SSTR4: variants seen among roughly 807,000 people sequenced by gnomAD.
The protein encoded by SSTR4 is somatostatin receptor 4.
For synonymous variants in SSTR4, 272 were observed against 246.3 expected, an observed-to-expected ratio of 1.10 and a Z score of -0.98; for missense variants, 649 against 540.6, an observed-to-expected ratio of 1.20 and a Z score of -1.99.
Position 23,038,176 on chromosome 20 carries a change from T to A in SSTR4, c.*1526T>A, listed in dbSNP as rs1033252913. Reference sequence around the variant, plus strand: ...CATGTCTGTGGGTCTCGTGTAACCATAACTACTTGGAGTTTTTTAAAACTG... The same window carrying A: ...CATGTCTGTGGGTCTCGTGTAACCAAAACTACTTGGAGTTTTTTAAAACTG... On this transcript the variant is annotated 3_prime_UTR_variant, in exon 1 of 1. Transcript: ENST00000255008. 1 of 152,226 alleles carries A rather than the reference T, an allele frequency of 6.6e-6. No homozygotes were observed. The highest frequency in any genetic ancestry group is 1.5e-5 in the Non-Finnish European group (1 of 68,048). The allele number at this position is 152,226 out of a possible 1,614,324, so 9.4% of individuals were successfully genotyped here.
rs752598552 is a variant in SSTR4, at chr20:23,035,439, G to T, written c.-45G>T. 4.1e-4 allele frequency: 556 copies of T among 1,341,526 alleles called. 2 individuals carry two copies. The highest frequency in any genetic ancestry group is 2.7e-4 in the Admixed American group (7 of 26,036). 83.1% of individuals were successfully genotyped at this position (1,341,526 alleles called of 1,614,324 possible). ...CGCCGCCCGAGCTCTCTGGCGCAGC[G>T]CTAGCTCCGCCGCGCTCAGCTGCCC... On this transcript the variant is annotated 5_prime_UTR_variant, in exon 1 of 1. Coordinates refer to ENST00000255008, the MANE Select transcript of SSTR4 (RefSeq NM_001052.4).
chr20:23,035,474 A>T lies in SSTR4; in HGVS notation c.-10A>T. ...CCGCGCTCAGCTGCCCTGCGCCGGC[A>T]CCCCTGGTCATGAGCGCCCCCTCGA... On this transcript the variant is annotated 5_prime_UTR_variant, in exon 1 of 1. Coordinates refer to ENST00000255008, the MANE Select transcript of SSTR4 (RefSeq NM_001052.4). The T allele has an allele frequency of 6.8e-7, 1 of 1,471,460 alleles. No homozygotes were observed. Among genetic ancestry groups the T allele is most frequent in the Non-Finnish European group, 8.9e-7 (1 of 1,121,262 alleles). 91.2% of individuals were successfully genotyped at this position (1,471,460 alleles called of 1,614,324 possible).
chr20:23,036,561 A>C lies in SSTR4; in HGVS notation c.1078A>C (p.Met360Leu), dbSNP rs1568662256. 1 of 1,610,614 alleles carries C rather than the reference A, an allele frequency of 6.2e-7. No individual in the cohort carries two copies. The highest frequency in any genetic ancestry group is 8.5e-7 in the Non-Finnish European group (1 of 1,178,594). The change falls in exon 1 of 1, where the codon ATG (methionine) becomes CTG (leucine). Residue 360 changes from methionine (M) to leucine (L), a missense_variant. By Grantham distance (15) the Met-to-Leu change is conservative. Transcript: ENST00000255008. Reference protein sequence around the residue: ...ALKSKGGAGCMCPPLPCQQEA... With the variant: ...ALKSKGGAGCLCPPLPCQQEA... Reference sequence around the variant, plus strand: ...CAAGAGCAAAGGTGGGGCAGGGTGCATGTGCCCCCCACTCCCCTGCCAGCA... The same window carrying C: ...CAAGAGCAAAGGTGGGGCAGGGTGCCTGTGCCCCCCACTCCCCTGCCAGCA...
Position 23,035,351 on chromosome 20 carries a change from C to T in SSTR4, c.-133C>T, listed in dbSNP as rs1428372218. 38 of 705,144 alleles carry T rather than the reference C, an allele frequency of 5.4e-5. No homozygotes were observed. Among genetic ancestry groups the T allele is most frequent in the Non-Finnish European group, 7.2e-5 (37 of 517,022 alleles). 43.7% of individuals were successfully genotyped at this position (705,144 alleles called of 1,614,324 possible). A position where few individuals can be genotyped will look rare whatever the true frequency, so the allele number is the denominator to read the frequency against. On this transcript the variant is annotated 5_prime_UTR_variant, in exon 1 of 1. Transcript: ENST00000255008. ...GGGATTGGCGGGCGCTCCCCGGTGC[C>T]CGCAGCTCTTCAGCGTAGCCGGGAA... is the stretch of plus-strand genomic sequence containing the variant.
In SSTR4 at chr20:23,036,248, G is replaced by T. The variant is rs776368668; in HGVS notation, c.765G>T (p.Lys255Asn). 3 of 1,614,056 alleles carry T rather than the reference G, an allele frequency of 1.9e-6. No individual in the cohort carries two copies. Among genetic ancestry groups the T allele is most frequent in the African/African-American group, 2.7e-5 (2 of 74,940 alleles). Residue 255 changes from lysine (K) to asparagine (N), a missense_variant, in exon 1 of 1, where the codon AAG becomes AAT. Physicochemically the swap from Lys to Asn is moderately conservative, Grantham distance 94 (BLOSUM62 0). Coordinates refer to ENST00000255008, the MANE Select transcript of SSTR4 (RefSeq NM_001052.4). The stretch of plus-strand genomic sequence containing the variant: ...GGCAGCAGCGCAGGCGCTCGGAGAA[G>T]AAAATCACCAGGCTGGTGCTGATGG... The part of the protein sequence containing the change: ...AGWQQRRRSE[K>N]KITRLVLMVV...
At position 23,037,923 on chromosome 20, in the gene SSTR4, G is replaced by A. The variant is rs574479200; in HGVS notation, c.*1273G>A. ...TGGGGAGGGGGAGAGACAGCCAAAGGTCAACACCCTATGCCCTTCAGAGTG... is the reference window on the plus strand; with the variant it reads ...TGGGGAGGGGGAGAGACAGCCAAAGATCAACACCCTATGCCCTTCAGAGTG... On this transcript the variant is annotated 3_prime_UTR_variant, in exon 1 of 1. Transcript: ENST00000255008. 6.6e-6 allele frequency among the ~76,000 whole-genome samples: 1 copy of A among 152,228 alleles called. No homozygotes were observed. Among genetic ancestry groups the A allele is most frequent in the Admixed American group, 6.5e-5 (1 of 15,294 alleles).
rs958376647 is a variant in SSTR4, at chr20:23,037,539, T to C, written c.*889T>C. On this transcript the variant is annotated 3_prime_UTR_variant, in exon 1 of 1. Transcript: ENST00000255008. ...CAGGTTTTGGATAGAGGAAGCAGCT[T>C]CATCACCACCCCCTATTTTAGAATG... is the stretch of plus-strand genomic sequence containing the variant. Among the ~76,000 whole-genome samples the C allele has an allele frequency of 1.3e-5, 2 of 152,096 alleles. No individual in the cohort carries two copies. The highest frequency in any genetic ancestry group is 2.9e-5 in the Non-Finnish European group (2 of 68,018).
In SSTR4 at chr20:23,036,776, A is replaced by C; in HGVS notation, c.*126A>C. On this transcript the variant is annotated 3_prime_UTR_variant, in exon 1 of 1. Transcript: ENST00000255008. ...CACCACCTGTTCCTTCCAGCAGCCC[A>C]TGTACCTGCCGGAGAGTGTCAGAAC... 2 of 1,099,538 alleles carry C rather than the reference A, an allele frequency of 1.8e-6. No homozygotes were observed. Among genetic ancestry groups the C allele is most frequent in the Non-Finnish European group, 1.3e-6 (1 of 774,380 alleles). 68.1% of individuals were successfully genotyped at this position (1,099,538 alleles called of 1,614,324 possible).
Position 23,037,538 on chromosome 20 carries a change from T to C in SSTR4, c.*888T>C, listed in dbSNP as rs533993453. ...CCAGGTTTTGGATAGAGGAAGCAGC[T>C]TCATCACCACCCCCTATTTTAGAAT... On this transcript the variant is annotated 3_prime_UTR_variant, in exon 1 of 1. Coordinates refer to ENST00000255008, the MANE Select transcript of SSTR4 (RefSeq NM_001052.4). Among the ~76,000 whole-genome samples the C allele has an allele frequency of 6.6e-6, 1 of 152,238 alleles. No homozygotes were observed. The highest frequency in any genetic ancestry group is 2.4e-5 in the African/African-American group (1 of 41,534).
In SSTR4 at chr20:23,035,819, GC is replaced by G. The variant is rs756869495; in HGVS notation, c.339del (p.Phe114SerfsTer149). On this transcript the variant is annotated frameshift_variant, in exon 1 of 1. Transcript: ENST00000255008. LOFTEE classifies it low-confidence loss of function (END_TRUNC). Reference sequence around the variant, plus strand: ...CCTCGTCGGCCGCCCTGCGCCACTGGCCCTTCGGCTCCGTGCTGTGCCGCGC... The same window carrying G: ...CCTCGTCGGCCGCCCTGCGCCACTGGCCTTCGGCTCCGTGCTGTGCCGCGC... ...VASSAALRHW[P>X]FGSVLCRAVL... 1.3e-6 allele frequency: 2 copies of G among 1,591,566 alleles called. No individual in the cohort carries two copies. Among genetic ancestry groups the G allele is most frequent in the African/African-American group, 2.7e-5 (2 of 74,206 alleles).
Position 23,036,885 on chromosome 20 carries a change from A to G in SSTR4, c.*235A>G. ...GTAGGACTCCTCTGGAAACTGGGCTAGGATATTAATCATTCCTGAACCTCT... is the reference window on the plus strand; with the variant it reads ...GTAGGACTCCTCTGGAAACTGGGCTGGGATATTAATCATTCCTGAACCTCT... On this transcript the variant is annotated 3_prime_UTR_variant, in exon 1 of 1. Coordinates refer to ENST00000255008, the MANE Select transcript of SSTR4 (RefSeq NM_001052.4). 1 of 488,816 alleles carries G rather than the reference A, an allele frequency of 2.0e-6. No homozygotes were observed. The highest frequency in any genetic ancestry group is 3.6e-6 in the Non-Finnish European group (1 of 279,838). The allele number at this position is 488,816 out of a possible 1,614,324, so 30.3% of individuals were successfully genotyped here.
Position 23,038,564 on chromosome 20 carries a change from T to C in SSTR4, c.*1914T>C, listed in dbSNP as rs1984388841. On this transcript the variant is annotated 3_prime_UTR_variant, in exon 1 of 1. Coordinates refer to ENST00000255008, the MANE Select transcript of SSTR4 (RefSeq NM_001052.4). ...TTGAAGGAGAGGCAGCTTCAGGTGA[T>C]GGAAAGAAAAGTCTCTGAGAGGCAG... Among the ~76,000 whole-genome samples the C allele has an allele frequency of 6.6e-6, 1 of 152,206 alleles. No individual in the cohort carries two copies. Among genetic ancestry groups the C allele is most frequent in the African/African-American group, 2.4e-5 (1 of 41,446 alleles).
rs1286646907 is a variant in SSTR4 at position 23,038,062 on chromosome 20, C to T, written c.*1412C>T. Among the ~76,000 whole-genome samples, 1 of 152,172 alleles carries T rather than the reference C, an allele frequency of 6.6e-6. No homozygotes were observed. The highest frequency in any genetic ancestry group is 1.5e-5 in the Non-Finnish European group (1 of 68,022). ...TAAGTCAGAGAACCCTCTGATCCTG[C>T]AAACACACATGCACACACACAGAGA... On this transcript the variant is annotated 3_prime_UTR_variant, in exon 1 of 1. Transcript: ENST00000255008.
In SSTR4 at chr20:23,036,175, A is replaced by G. The variant is rs1202436975; in HGVS notation, c.692A>G (p.Tyr231Cys). The G allele has an allele frequency of 6.2e-7, 1 of 1,610,982 alleles. No homozygotes were observed. The highest frequency in any genetic ancestry group is 8.5e-7 in the Non-Finnish European group (1 of 1,179,742). ...CCCGTGCTGGCCATTGGCCTGTGCT[A>G]CCTGCTCATCGTGGGCAAGATGCGC... is the stretch of plus-strand genomic sequence containing the variant. ...LLPVLAIGLC[Y>C]LLIVGKMRAV... The change falls in exon 1 of 1, where the codon TAC becomes TGC. Residue 231 changes from tyrosine to cysteine, a missense_variant. Physicochemically the swap from Tyr to Cys is radical, Grantham distance 194. Transcript: ENST00000255008.
In SSTR4 at chr20:23,037,245, C is replaced by T. The variant is rs1259577638; in HGVS notation, c.*595C>T. 6.5e-6 allele frequency: 1 copy of T among 152,680 alleles called. No homozygotes were observed. Among genetic ancestry groups the T allele is most frequent in the Admixed American group, 6.5e-5 (1 of 15,292 alleles). 9.5% of individuals were successfully genotyped at this position (152,680 alleles called of 1,614,324 possible). A position where few individuals can be genotyped will look rare whatever the true frequency, so the allele number is the denominator to read the frequency against. ...TGTCACAGGTGTCTCCCTGAGTTGCCCTGAGCTGGGAGCAGTCTTCCTGTG... is the reference window on the plus strand; with the variant it reads ...TGTCACAGGTGTCTCCCTGAGTTGCTCTGAGCTGGGAGCAGTCTTCCTGTG... On this transcript the variant is annotated 3_prime_UTR_variant, in exon 1 of 1. Coordinates refer to ENST00000255008, the MANE Select transcript of SSTR4 (RefSeq NM_001052.4).
rs1285725616 is a variant in SSTR4 at position 23,035,882 on chromosome 20, C to A, written c.399C>A (p.Ser133Arg). The A allele has an allele frequency of 1.2e-6, 2 of 1,612,588 alleles. No individual in the cohort carries two copies. The highest frequency in any genetic ancestry group is 8.5e-7 in the Non-Finnish European group (1 of 1,179,330). The change falls in exon 1 of 1, where the codon AGC (serine) becomes AGA (arginine). Residue 133 changes from serine to arginine, a missense_variant. By Grantham distance (110) the Ser-to-Arg change is moderately radical (BLOSUM62 -1). Transcript: ENST00000255008. ...LSVDGLNMFT[S>R]VFCLTVLSVD... ...TCGACGGCCTCAACATGTTCACCAG[C>A]GTCTTCTGTCTCACCGTGCTCAGCG...
At position 23,036,499 on chromosome 20, in the gene SSTR4, C is replaced by T. The variant is rs1371863273; in HGVS notation, c.1016C>T (p.Ala339Val). ...RCCLLEGAGG[A>V]EEEPLDYYAT... ...TGCCTCCTGGAAGGTGCTGGAGGTG[C>T]TGAGGAGGAGCCCCTGGACTACTAT... Residue 339 changes from alanine to valine, a missense_variant, in exon 1 of 1, where the codon GCT becomes GTT. Transcript: ENST00000255008. 6.2e-7 allele frequency: 1 copy of T among 1,613,796 alleles called. No homozygotes were observed. The highest frequency in any genetic ancestry group is 8.5e-7 in the Non-Finnish European group (1 of 1,179,916).
In SSTR4 at chr20:23,038,005, G is replaced by A. The variant is rs1271304261; in HGVS notation, c.*1355G>A. 6.6e-6 allele frequency among the ~76,000 whole-genome samples: 1 copy of A among 152,102 alleles called. No individual in the cohort carries two copies. Among genetic ancestry groups the A allele is most frequent in the Non-Finnish European group, 1.5e-5 (1 of 68,014 alleles). On this transcript the variant is annotated 3_prime_UTR_variant, in exon 1 of 1. Transcript: ENST00000255008. ...GTAGCCATGTCTGTACTACATACTGGAGACATGACTGTGGAATGGAAGTTT... is the reference window on the plus strand; with the variant it reads ...GTAGCCATGTCTGTACTACATACTGAAGACATGACTGTGGAATGGAAGTTT...
Position 23,035,319 on chromosome 20 carries a change from C to A in SSTR4, c.-165C>A. The stretch of plus-strand genomic sequence containing the variant: ...TCGGGCGCCCGCGCGGTGGGGCGCG[C>A]GGCGCGGGGATTGGCGGGCGCTCCC... On this transcript the variant is annotated 5_prime_UTR_variant, in exon 1 of 1. Transcript: ENST00000255008. 1 of 463,434 alleles carries A rather than the reference C, an allele frequency of 2.2e-6. No individual in the cohort carries two copies. The highest frequency in any genetic ancestry group is 3.3e-6 in the Non-Finnish European group (1 of 306,372). The allele number at this position is 463,434 out of a possible 1,614,324, so 28.7% of individuals were successfully genotyped here.
Sources: gnomAD v4.1 joint callset for allele counts (sites outside exome capture counted in the v4.1 genomes callset) on GRCh38, gnomAD v4.1.1 for gene constraint, MANE v1.5 for transcripts, NCBI Gene and HGNC (gene_info 2026-07-23, HGNC 2026-07-21) for gene names.